Variants in KIAA1549 observed in about 807,000 individuals in gnomAD.
KIAA1549 encodes UPF0606 protein KIAA1549.
A neutral mutation model predicts 156.4 loss-of-function variants in KIAA1549; 70 were observed. The observed-to-expected ratio is 0.45, with a 90% CI of 0.37 to 0.55. The LOEUF (loss-of-function observed/expected upper bound fraction) is 0.55. Ranked by LOEUF, KIAA1549 falls within the 20% of genes least tolerant of loss-of-function variation. The probability of loss-of-function intolerance (pLI) is 0.00; values close to 1 mark genes in which losing one functional copy is unlikely to be tolerated. For synonymous variants in KIAA1549, 1,103 were observed against 1,066.4 expected, an observed-to-expected ratio of 1.03 and a Z score of -0.67; for missense variants, 2,428 against 2,540.9, an observed-to-expected ratio of 0.96 and a Z score of 0.96.
rs373308664 is a variant in KIAA1549 at position 138,868,062 on chromosome 7, A to G, written c.4842T>C (p.Ala1614=). ...CTGTGGTGATGAGCCGGTCCTTCTC[A>G]GCGTCGGCAGGACAGCCGTTGACCT... is the stretch of plus-strand genomic sequence containing the variant. ...KHQVNGCPAD[A]EKDRLITTDS... Residue 1614 remains alanine (A), a synonymous_variant, in exon 15 of 20, where the codon GCT becomes GCC. Transcript: ENST00000422774. 5.3e-5 allele frequency: 85 copies of G among 1,613,746 alleles called. No individual in the cohort carries two copies. The highest frequency in any genetic ancestry group is 3.9e-4 in the African/African-American group (29 of 74,916).
At chr7:138,940,448 T>C (rs530070674) in intron 1 of KIAA1549, among the ~76,000 whole-genome samples, 2 of 150,298 alleles carry the variant, frequency 1.3e-5, no homozygotes, top group South Asian at 2.2e-4. Context: ...AAGTCTTTGC[T>C]ATTGTGAACA....
rs775488624 is a variant in KIAA1549 at position 138,868,099 on chromosome 7, C to T, written c.4805G>A (p.Arg1602His). Residue 1602 changes from arginine (R) to histidine (H), a missense_variant, in exon 15 of 20, where the codon CGC becomes CAC. By Grantham distance (29) the Arg-to-His change is conservative. Transcript: ENST00000422774. Reference protein sequence around the residue: ...SSRIKRSPKPRRKHQVNGCPA... With the variant: ...SSRIKRSPKPHRKHQVNGCPA... ...ACAGCCGTTGACCTGGTGTTTCCGG[C>T]GAGGCTTGGGAGAACGTTTTATCCG... 3.6e-5 allele frequency: 58 copies of T among 1,613,498 alleles called. No homozygotes were observed. Among genetic ancestry groups the T allele is most frequent in the Non-Finnish European group, 4.6e-5 (54 of 1,179,800 alleles).
At chr7:138,878,347 A>C (rs992732671) in intron 12 of KIAA1549, among the ~76,000 whole-genome samples, 1 of 152,224 alleles carries the variant, frequency 6.6e-6, no homozygotes, top group Non-Finnish European at 1.5e-5. Flanking sequence ...TGTCAGTGAG[A>C]GGAGAGGCCC....
intron 4 of KIAA1549, 29 bp downstream of exon 4, chr7:138,911,117 A>G: frequency 7.1e-7 from 1 of 1,414,108 alleles, no homozygotes; most frequent in Non-Finnish European, 9.4e-7. Flanking sequence ...CTTTTTACAA[A>G]TAAAAACAAC....
chr7:138,872,490 G>A (rs967151662), intron 12 of KIAA1549, among the ~76,000 whole-genome samples: 4 of 151,976 alleles, frequency 2.6e-5, no homozygotes, highest in African/African-American at 9.7e-5. Context: ...TGATAATGAG[G>A]ATTTTCTGTA....
At chr7:138,884,589 C>T (rs1023796314) in intron 10 of KIAA1549, among the ~76,000 whole-genome samples, 3 of 152,170 alleles carry the variant, frequency 2.0e-5, no homozygotes, top group African/African-American at 7.2e-5. Context: ...GTCACACCTA[C>T]GAACAATAAA....
chr7:138,911,075 A>G (rs922306296), intron 4 of KIAA1549, 71 bp downstream of exon 4: 2 of 1,087,464 alleles, frequency 1.8e-6, no homozygotes, highest in Non-Finnish European at 2.6e-6. Context: ...ATGATTTCCA[A>G]TATTTTAGAA....
chr7:138,911,045 C>T, intron 4 of KIAA1549, 101 bp downstream of exon 4: 1 of 939,890 alleles, frequency 1.1e-6, no homozygotes, highest in Middle Eastern at 2.8e-4. Context: ...AAATCATCAT[C>T]ATAATAATAA....
At chr7:138,929,838 G>A (rs1329498869) in intron 1 of KIAA1549, among the ~76,000 whole-genome samples, 1 of 152,214 alleles carries the variant, frequency 6.6e-6, no homozygotes. Flanking sequence ...CCATAGGCAT[G>A]TGCCACTATG....
chr7:138,850,589 G>A lies in KIAA1549; in HGVS notation c.5294+1634C>T, dbSNP rs115266933. ...TTATAGATGCTGGATATTAAACCTC[G>A]GTCAGATGCATAATTTGCAAATATT... On this transcript the variant is annotated intron_variant, in intron 17 of 19. Coordinates refer to ENST00000422774, the MANE Select transcript of KIAA1549 (RefSeq NM_001164665.2). Among the ~76,000 whole-genome samples, 1,466 of 152,068 alleles carry A rather than the reference G, an allele frequency of 9.6e-3. 19 individuals carry two copies. The highest frequency in any genetic ancestry group is 0.032 in the African/African-American group (1,347 of 41,472).
At chr7:138,891,113 C>T (rs1811533930) in intron 10 of KIAA1549, among the ~76,000 whole-genome samples, 1 of 152,252 alleles carries the variant, frequency 6.6e-6, no homozygotes, top group South Asian at 2.1e-4. Context: ...TGGATGTCTG[C>T]TTTCGGATGG....
In KIAA1549 at chr7:138,917,850, A is replaced by G. The variant is rs780983646; in HGVS notation, c.1776T>C (p.Tyr592=). The G allele has an allele frequency of 1.9e-6, 3 of 1,603,756 alleles. No individual in the cohort carries two copies. Among genetic ancestry groups the G allele is most frequent in the South Asian group, 1.1e-5 (1 of 88,720 alleles). ...AVRDPSVFTP[Y]SLVPSVESSL... ...AAGACTCCACTGAAGGAACCAGACT[A>G]TAAGGCGTAAAAACACTCGGGTCTC... is the stretch of plus-strand genomic sequence containing the variant. Residue 592 remains tyrosine (Y), a synonymous_variant, in exon 2 of 20, where the codon TAT becomes TAC. Coordinates refer to ENST00000422774, the MANE Select transcript of KIAA1549 (RefSeq NM_001164665.2).
At chr7:138,866,205 T>C (rs537438831) in intron 15 of KIAA1549, among the ~76,000 whole-genome samples, 49 of 152,148 alleles carry the variant, frequency 3.2e-4, no homozygotes, top group Non-Finnish European at 6.8e-4. Context: ...CTGATCCCCA[T>C]GAGTAGATCA....
rs371545926 is a variant in KIAA1549, at chr7:138,917,856, C to T, written c.1770G>A (p.Thr590=). 72 of 1,603,802 alleles carry T rather than the reference C, an allele frequency of 4.5e-5. No individual in the cohort carries two copies. Among genetic ancestry groups the T allele is most frequent in the Non-Finnish European group, 5.8e-5 (68 of 1,175,306 alleles). The change falls in exon 2 of 20, where the codon ACG becomes ACA. Residue 590 remains threonine (T), a synonymous_variant. Transcript: ENST00000422774. ...CCACTGAAGGAACCAGACTATAAGG[C>T]GTAAAAACACTCGGGTCTCTGACGG... ...SLAVRDPSVF[T]PYSLVPSVES...
intron 14 of KIAA1549, 106 bp from the exon 15 acceptor site, chr7:138,868,234 G>T: frequency 9.2e-7 from 1 of 1,085,774 alleles, no homozygotes; most frequent in Non-Finnish European, 1.3e-6. Flanking sequence ...GCTACCCCTG[G>T]AAACACCCCA....
In KIAA1549 at chr7:138,941,896, A is replaced by T. The variant is rs535198169; in HGVS notation, c.188-22458T>A. On this transcript the variant is annotated intron_variant, in intron 1 of 19. Transcript: ENST00000422774. ...TCCAAAGAGGAAATAAGGAAATCTT[A>T]AAAAACGTTGCAATGAATGCCACTG... is the stretch of plus-strand genomic sequence containing the variant. 1.4e-4 allele frequency among the ~76,000 whole-genome samples: 21 copies of T among 152,344 alleles called. No individual in the cohort carries two copies. In the South Asian group the frequency reaches 2.7e-3, roughly 20 times the overall value.
chr7:138,844,500 C>A (rs746534888), intron 17 of KIAA1549, 26 bp from the exon 18 acceptor site: 10 of 1,511,380 alleles, frequency 6.6e-6, no homozygotes, highest in Non-Finnish European at 7.9e-6. Flanking sequence ...ACCAGCACAT[C>A]AGGACTCCAC....
intron 2 of KIAA1549, among the ~76,000 whole-genome samples, chr7:138,915,690 C>T (rs1182639660): frequency 6.6e-6 from 1 of 152,092 alleles, no homozygotes; most frequent in Non-Finnish European, 1.5e-5. Flanking sequence ...CACTCCACCC[C>T]ACTCCTCCCT....
At position 138,838,180 on chromosome 7, in the gene KIAA1549, T is replaced by G. The variant is rs1227021980; in HGVS notation, c.5599-20A>C. 6.9e-7 allele frequency: 1 copy of G among 1,449,450 alleles called. No individual in the cohort carries two copies. The highest frequency in any genetic ancestry group is 2.8e-5 in the Admixed American group (1 of 35,886). 89.8% of individuals were successfully genotyped at this position (1,449,450 alleles called of 1,614,324 possible). A position where few individuals can be genotyped will look rare whatever the true frequency, so the allele number is the denominator to read the frequency against. On this transcript the variant is annotated intron_variant, in intron 19 of 19. Transcript: ENST00000422774. ...GTGTGTCTGAAAAACATGGCAAACG[T>G]CACTGTACTTCCTACGAAGAATAAG...
Sources: gnomAD v4.1 joint callset for allele counts (sites outside exome capture counted in the v4.1 genomes callset) on GRCh38, gnomAD v4.1.1 for gene constraint, MANE v1.5 for transcripts, NCBI Gene and HGNC (gene_info 2026-07-23, HGNC 2026-07-21) for gene names.